PACRGL: variants seen among roughly 807,000 people sequenced by gnomAD.
PACRGL encodes PACRG-like protein.
PACRGL carries 38 observed loss-of-function variants against 34.5 expected under a neutral mutation model. The observed-to-expected ratio is 1.10, with a 90% CI of 0.85 to 1.44. The LOEUF is 1.44. PACRGL is among the 40% of genes most tolerant of loss of function. The probability of loss-of-function intolerance (pLI) is 0.00; values close to 1 mark genes in which losing one functional copy is unlikely to be tolerated. For missense variants in PACRGL, 305 were observed against 281.4 expected (o/e 1.08, Z -0.60); for synonymous variants, 128 against 100.1 (o/e 1.28, Z -1.66).
the PACRGL span, chr4:20,758,879 A>G: frequency 6.2e-7 from 1 of 1,613,070 alleles, no homozygotes; most frequent in Non-Finnish European, 8.5e-7. Flanking sequence ...TAACAACACC[A>G]CTGGGGCATT....
chr4:20,739,973 C>A (rs938148303), intron 8 of PACRGL, among the ~76,000 whole-genome samples: 1 of 151,986 alleles, frequency 6.6e-6, no homozygotes, highest in African/African-American at 2.4e-5. Context: ...CCATTTTGAT[C>A]AAGTGGAAGA....
chr4:20,758,623 C>A, the PACRGL span, among the ~76,000 whole-genome samples: 94 of 152,280 alleles, frequency 6.2e-4, no homozygotes, highest in African/African-American at 1.7e-3. Context: ...AACTAAAGAG[C>A]AGCCTCTTGG....
Position 20,709,712 on chromosome 4 carries a change from T to G in PACRGL, c.305T>G (p.Leu102Ter), listed in dbSNP as rs1310468224. Reference sequence around the variant, plus strand: ...GTACATGGTTCAGTAAAACACAGATTACAGTGGGAATGTCCTCCTGAAAGT... The same window carrying G: ...GTACATGGTTCAGTAAAACACAGATGACAGTGGGAATGTCCTCCTGAAAGT... ...RLVHGSVKHR[L>*]QWECPPESLS... The change falls in exon 5 of 9, where the codon TTA (leucine) becomes TGA (stop). Residue 102 changes from leucine to a stop codon, truncating the protein, a stop_gained. Transcript: ENST00000503585. LOFTEE classifies it high-confidence loss of function. The G allele has an allele frequency of 1.9e-6, 3 of 1,609,892 alleles. No individual in the cohort carries two copies.
rs1753195550 is a variant in PACRGL at position 20,749,546 on chromosome 4, G to A, written c.*57-3019G>A. ...TTGGCAATTACATGAGAGAAAGGGA[G>A]TGTCCTTGGGCTTTCTTTCCCCTGA... is the stretch of plus-strand genomic sequence containing the variant. On this transcript the variant is annotated intron_variant, in intron 8 of 8. Coordinates refer to the PACRGL transcript ENST00000507634. The A allele has an allele frequency of 5.0e-6, 3 of 604,494 alleles. 1 individual carries two copies. In the South Asian group the frequency reaches 7.8e-5, roughly 16 times the overall value. The allele number at this position is 604,494 out of a possible 1,614,324, so 37.4% of individuals were successfully genotyped here.
At chr4:20,697,732 A>C (rs1560270234), upstream of PACRGL, among the ~76,000 whole-genome samples, 1 of 152,206 alleles carries the variant, frequency 6.6e-6, no homozygotes, top group African/African-American at 2.4e-5. Context: ...GTCCACATCG[A>C]AGTATCAACA....
upstream of PACRGL, among the ~76,000 whole-genome samples, chr4:20,699,381 A>C (rs949185861): frequency 6.6e-6 from 1 of 152,250 alleles, no homozygotes; most frequent in African/African-American, 2.4e-5. Flanking sequence ...ATTTGTATGC[A>C]AGGTTCACAG....
chr4:20,704,428 C>G, intron 1 of PACRGL, 38 bp from the exon 2 acceptor site: 1 of 1,594,156 alleles, frequency 6.3e-7, no homozygotes, highest in Middle Eastern at 1.7e-4. Flanking sequence ...CCCCTCCAAA[C>G]AAATTTTGAA....
chr4:20,707,452 T>TA (rs1735031354), intron 3 of PACRGL, among the ~76,000 whole-genome samples: 2 of 152,154 alleles, frequency 1.3e-5, no homozygotes, highest in South Asian at 4.1e-4. Context: ...AAGCACAAAG[T>TA]AGGAGATGTG....
upstream of PACRGL, among the ~76,000 whole-genome samples, chr4:20,697,636 T>C (rs965447887): frequency 6.6e-6 from 1 of 152,202 alleles, no homozygotes; most frequent in Non-Finnish European, 1.5e-5. Flanking sequence ...TTTTTTAGTC[T>C]ATTTGGGCTG....
chr4:20,731,393 G>T lies in PACRGL; in HGVS notation c.*4052G>T. On this transcript the variant is annotated 3_prime_UTR_variant, in exon 9 of 9. Coordinates refer to ENST00000503585, the MANE Select transcript of PACRGL (RefSeq NM_001258345.3). ...CAGGCCTTAACAATTTTTAACTGTG[G>T]TTCTGCCCACACATCAAGTCAAATA... The T allele has an allele frequency of 1.0e-6, 1 of 985,156 alleles. No homozygotes were observed. 61.0% of individuals were successfully genotyped at this position (985,156 alleles called of 1,614,324 possible).
In PACRGL at chr4:20,728,340, T is replaced by C. The variant is rs1746622595; in HGVS notation, c.*999T>C. On this transcript the variant is annotated 3_prime_UTR_variant, in exon 9 of 9. Coordinates refer to ENST00000503585, the MANE Select transcript of PACRGL (RefSeq NM_001258345.3). ...TTAAAGATATTCAGCAATTAAAATG[T>C]TAAAACTTGTACATGCATTCATTGA... 1 of 152,100 alleles carries C rather than the reference T, an allele frequency of 6.6e-6. No individual in the cohort carries two copies. The highest frequency in any genetic ancestry group is 1.5e-5 in the Non-Finnish European group (1 of 68,002). 9.4% of individuals were successfully genotyped at this position (152,100 alleles called of 1,614,324 possible).
At chr4:20,719,895 C>A (rs1220210165) in intron 7 of PACRGL, among the ~76,000 whole-genome samples, 1 of 151,992 alleles carries the variant, frequency 6.6e-6, no homozygotes, top group African/African-American at 2.4e-5. Flanking sequence ...TGTTAACTTT[C>A]TGTCTCGTTG....
chr4:20,735,410 A>G (rs1183519304), downstream of PACRGL, among the ~76,000 whole-genome samples: 2 of 152,162 alleles, frequency 1.3e-5, no homozygotes, highest in African/African-American at 4.8e-5. Context: ...GTCCTTGGCA[A>G]TGACATTGGC....
At chr4:20,716,839 G>T (rs1353408504) in intron 7 of PACRGL, among the ~76,000 whole-genome samples, 1 of 152,132 alleles carries the variant, frequency 6.6e-6, no homozygotes, top group Non-Finnish European at 1.5e-5. Flanking sequence ...AATCCTTTGG[G>T]TATATACCCA....
chr4:20,704,391 G>A, intron 1 of PACRGL, 75 bp from the exon 2 acceptor site: 1 of 1,392,386 alleles, frequency 7.2e-7, no homozygotes, highest in Non-Finnish European at 1.0e-6. Context: ...CTCTGTTCTG[G>A]TTTTGTCTTT....
chr4:20,708,517 T>C (rs1305297966), intron 4 of PACRGL, among the ~76,000 whole-genome samples: 2 of 152,140 alleles, frequency 1.3e-5, no homozygotes, highest in Non-Finnish European at 2.9e-5. Flanking sequence ...GAGTGAAAAA[T>C]AAGCTCAAGA....
At chr4:20,716,624 G>A (rs1451420097) in intron 7 of PACRGL, among the ~76,000 whole-genome samples, 2 of 152,098 alleles carry the variant, frequency 1.3e-5, no homozygotes, top group African/African-American at 4.8e-5. Flanking sequence ...GAGAATAATG[G>A]TTTCCAGCTT....
chr4:20,756,750 C>T (rs1029430754), downstream of PACRGL, among the ~76,000 whole-genome samples: 7 of 152,044 alleles, frequency 4.6e-5, no homozygotes, highest in African/African-American at 1.7e-4. Flanking sequence ...TGATCCTTAC[C>T]TTACTGGACT....
At position 20,728,545 on chromosome 4, in the gene PACRGL, A is replaced by C. The variant is rs1255301652; in HGVS notation, c.*1204A>C. The C allele has an allele frequency of 2.0e-5, 3 of 152,468 alleles. No homozygotes were observed. In the South Asian group the frequency reaches 6.2e-4, roughly 32 times the overall value. 9.4% of individuals were successfully genotyped at this position (152,468 alleles called of 1,614,324 possible). The stretch of plus-strand genomic sequence containing the variant: ...CCATCCAGAGCTATCTGCCATCTAG[A>C]AAGTACTGTAAGATTTAATTAATTA... On this transcript the variant is annotated 3_prime_UTR_variant, in exon 9 of 9. Transcript: ENST00000503585.
Sources: gnomAD v4.1 joint callset for allele counts (sites outside exome capture counted in the v4.1 genomes callset) on GRCh38, gnomAD v4.1.1 for gene constraint, MANE v1.5 for transcripts, NCBI Gene and HGNC (gene_info 2026-07-23, HGNC 2026-07-21) for gene names.